The following TAOK3 variants were observed in gnomAD, a reference collection of about 807,000 sequenced individuals.
The protein encoded by TAOK3 is TAO kinase 3, also known as serine/threonine-protein kinase TAO3.
TAOK3 carries 40 observed loss-of-function variants against 120.4 expected under a neutral mutation model. That is an observed-to-expected ratio of 0.33 (90% CI 0.26 to 0.43). The LOEUF (loss-of-function observed/expected upper bound fraction) is 0.43, where lower values mean the gene tolerates loss of function less well. Among genes scored for constraint, TAOK3 ranks in the 20% least tolerant of loss-of-function variants. The pLI is 1.00. For missense variants in TAOK3, 821 were observed against 1,112.1 expected, an observed-to-expected ratio of 0.74 and a Z score of 3.72; for synonymous variants, 355 against 387.5, an observed-to-expected ratio of 0.92 and a Z score of 0.99.
chr12:118,150,930 G>T lies in TAOK3; in HGVS notation c.*67C>A, dbSNP rs1027367095. The stretch of plus-strand genomic sequence containing the variant: ...CCGTTAAAATGGGGAATGTGGTTTT[G>T]CAGGGTCTGAATTTTTTTCTGTTTT... On this transcript the variant is annotated 3_prime_UTR_variant, in exon 21 of 21. Coordinates refer to ENST00000392533, the MANE Select transcript of TAOK3 (RefSeq NM_016281.4). The T allele has an allele frequency of 7.5e-6, 11 of 1,463,476 alleles. No homozygotes were observed. Among genetic ancestry groups the T allele is most frequent in the Non-Finnish European group, 9.2e-6 (10 of 1,091,074 alleles). The allele number at this position is 1,463,476 out of a possible 1,614,324, so 90.7% of individuals were successfully genotyped here.
chr12:118,315,467 G>C (rs17512525), intron 1 of TAOK3, among the ~76,000 whole-genome samples: 2 of 152,168 alleles, frequency 1.3e-5, no homozygotes, highest in Non-Finnish European at 2.9e-5. Context: ...TGTATTGTTT[G>C]TAGCACACAT....
intron 13 of TAOK3, among the ~76,000 whole-genome samples, chr12:118,194,224 CT>C (rs1400111250): frequency 6.6e-6 from 1 of 152,138 alleles, no homozygotes; most frequent in Non-Finnish European, 1.5e-5. Flanking sequence ...ACTTTCTACG[CT>C]GTGGAGAAGG....
intron 1 of TAOK3, among the ~76,000 whole-genome samples, chr12:118,299,890 C>T (rs1329988214): frequency 1.3e-5 from 2 of 151,992 alleles, no homozygotes; most frequent in Admixed American, 6.6e-5. Context: ...ACCTCAGTTA[C>T]AATATAATTG....
At chr12:118,194,644 AGGT>A (rs1484879079) in intron 13 of TAOK3, among the ~76,000 whole-genome samples, 1 of 146,722 alleles carries the variant, frequency 6.8e-6, no homozygotes, top group African/African-American at 2.5e-5. Context: ...TATCCCGCAA[AGGT>A]GGTGAAAGCT....
rs535812748 is a variant in TAOK3, at chr12:118,172,409, C to A, written c.1899+48G>T. The A allele has an allele frequency of 6.4e-6, 10 of 1,564,558 alleles. No homozygotes were observed. The African/African-American group carries it at 1.3e-4, about 21-fold the overall frequency. On this transcript the variant is annotated intron_variant, in intron 17 of 20. Coordinates refer to ENST00000392533, the MANE Select transcript of TAOK3 (RefSeq NM_016281.4). ...AGACATGGTCACAAGCCTCACATAG[C>A]ATATTGTCTCCTATGTCAATGACAA...
chr12:118,341,085 G>C (rs961427707), intron 1 of TAOK3, among the ~76,000 whole-genome samples: 8 of 150,568 alleles, frequency 5.3e-5, no homozygotes, highest in African/African-American at 2.0e-4. Flanking sequence ...CTGCTGCCCT[G>C]CCCCAGGTTC....
intron 1 of TAOK3, among the ~76,000 whole-genome samples, chr12:118,363,990 G>A (rs528196110): frequency 3.3e-5 from 5 of 152,080 alleles, no homozygotes; most frequent in African/African-American, 9.6e-5. Context: ...GCATGGTGAC[G>A]CATGCCTGTA....
intron 1 of TAOK3, among the ~76,000 whole-genome samples, chr12:118,306,149 T>C (rs951970865): frequency 6.6e-6 from 1 of 152,142 alleles, no homozygotes; most frequent in Non-Finnish European, 1.5e-5. Flanking sequence ...TTTTAACTTT[T>C]ATTTTAGGTT....
At chr12:118,185,245 CA>C (rs1442664478) in intron 14 of TAOK3, among the ~76,000 whole-genome samples, 5 of 151,850 alleles carry the variant, frequency 3.3e-5, no homozygotes, top group African/African-American at 1.2e-4. Flanking sequence ...AAAGGAAGAC[CA>C]AAACTTTTTT....
At chr12:118,226,068 C>T (rs1472939027) in intron 9 of TAOK3, among the ~76,000 whole-genome samples, 4 of 152,250 alleles carry the variant, frequency 2.6e-5, no homozygotes, top group African/African-American at 9.6e-5. Flanking sequence ...GGTAAAACTC[C>T]GTCTCTACTA....
At chr12:118,206,089 A>G (rs912085516) in intron 11 of TAOK3, among the ~76,000 whole-genome samples, 6 of 152,228 alleles carry the variant, frequency 3.9e-5, no homozygotes, top group African/African-American at 1.4e-4. Context: ...AAGGCAAGAC[A>G]CATGAGGACA....
At chr12:118,324,683 A>C (rs996284712) in intron 1 of TAOK3, among the ~76,000 whole-genome samples, 20 of 148,380 alleles carry the variant, frequency 1.3e-4, no homozygotes, top group African/African-American at 4.7e-4. Context: ...TTCACTTAAC[A>C]TTAATGTCCT....
intron 1 of TAOK3, among the ~76,000 whole-genome samples, chr12:118,324,871 A>C (rs1319592646): frequency 4.0e-5 from 6 of 148,498 alleles, no homozygotes; most frequent in Non-Finnish European, 8.9e-5. Context: ...CAGCCTCCCG[A>C]GTAGCTGGGA....
chr12:118,182,599 G>GTATATATATATATATATATATATA (rs1212615187), intron 14 of TAOK3, among the ~76,000 whole-genome samples: 4 of 93,900 alleles, frequency 4.3e-5, no homozygotes, highest in Non-Finnish European at 7.6e-5. Context: ...GTGTGTGTGT[G>GTATATATATATATATATATATATA]TATATATATA....
chr12:118,309,805 C>T (rs1429286232), intron 1 of TAOK3, among the ~76,000 whole-genome samples: 4 of 151,942 alleles, frequency 2.6e-5, no homozygotes, highest in Admixed American at 2.0e-4. Context: ...CCTGAGTCAT[C>T]AGGCCCCGCC....
At chr12:118,287,605 T>A (rs117008124) in intron 1 of TAOK3, among the ~76,000 whole-genome samples, 42 of 152,266 alleles carry the variant, frequency 2.8e-4, no homozygotes, top group Non-Finnish European at 4.7e-4. Flanking sequence ...GTGGTATTGA[T>A]CAAGTGGTTT....
chr12:118,173,876 C>T (rs1010817432), intron 16 of TAOK3, among the ~76,000 whole-genome samples: 1 of 152,162 alleles, frequency 6.6e-6, no homozygotes, highest in Non-Finnish European at 1.5e-5. Context: ...TTTGTGATGC[C>T]GATATCATAG....
At chr12:118,340,645 A>G (rs1223120456) in intron 1 of TAOK3, among the ~76,000 whole-genome samples, 1 of 152,144 alleles carries the variant, frequency 6.6e-6, no homozygotes, top group Non-Finnish European at 1.5e-5. Context: ...AAACTGCCTC[A>G]TACCCAGCTT....
intron 1 of TAOK3, among the ~76,000 whole-genome samples, chr12:118,320,886 C>T (rs1008051113): frequency 2.0e-5 from 3 of 152,058 alleles, no homozygotes; most frequent in Admixed American, 2.0e-4. Context: ...AACCCAAATG[C>T]CCATCAAAAA....
Sources: gnomAD v4.1 joint callset for allele counts (sites outside exome capture counted in the v4.1 genomes callset) on GRCh38, gnomAD v4.1.1 for gene constraint, MANE v1.5 for transcripts, NCBI Gene and HGNC (gene_info 2026-07-23, HGNC 2026-07-21) for gene names.